Variants in RBFOX1 observed in about 807,000 individuals in gnomAD.
RBFOX1 encodes the protein RNA binding protein fox-1 homolog 1.
A neutral mutation model predicts 57.7 loss-of-function variants in RBFOX1; 8 were observed. The ratio of observed to expected loss-of-function variants is 0.14; its 90% confidence interval spans 0.08 to 0.25. The LOEUF (loss-of-function observed/expected upper bound fraction) is 0.25, where lower values mean the gene tolerates loss of function less well. Among genes scored for constraint, RBFOX1 ranks in the 10% least tolerant of loss-of-function variants. The pLI is 1.00. For missense variants in RBFOX1, 611 were observed against 548.5 expected (o/e 1.11, Z -1.14); for synonymous variants, 326 against 222.4 (o/e 1.47, Z -4.15).
intron 3 of RBFOX1, among the ~76,000 whole-genome samples, chr16:5,694,308 C>T (rs1013713852): frequency 2.0e-5 from 3 of 152,194 alleles, no homozygotes; most frequent in African/African-American, 7.2e-5. Flanking sequence ...TTAATTATCA[C>T]TGTTTTACCT....
At chr16:5,246,101 G>C (rs1231526251) in intron 1 of RBFOX1, among the ~76,000 whole-genome samples, 5 of 152,098 alleles carry the variant, frequency 3.3e-5, no homozygotes, top group Non-Finnish European at 7.3e-5. Context: ...AATTAGCCAG[G>C]TGTGATGGCA....
chr16:6,997,863 A>G (rs1156597921), intron 3 of RBFOX1, among the ~76,000 whole-genome samples: 3 of 152,164 alleles, frequency 2.0e-5, no homozygotes, highest in African/African-American at 7.2e-5. Flanking sequence ...CAGTTATCAG[A>G]ACACCAGTTT....
At chr16:5,520,197 A>C (rs2043959618) in intron 2 of RBFOX1, among the ~76,000 whole-genome samples, 1 of 152,130 alleles carries the variant, frequency 6.6e-6, no homozygotes, top group African/African-American at 2.4e-5. Context: ...GAAGGAGAGA[A>C]GACAGGAAAG....
chr16:7,470,140 G>T (rs866802540), intron 4 of RBFOX1, among the ~76,000 whole-genome samples: 4 of 151,684 alleles, frequency 2.6e-5, no homozygotes, highest in African/African-American at 4.9e-5. Flanking sequence ...TGCAAATAAT[G>T]TTGCTCAGAA....
intron 2 of RBFOX1, among the ~76,000 whole-genome samples, chr16:6,540,994 G>T (rs2096807946): frequency 6.6e-6 from 1 of 152,182 alleles, no homozygotes; most frequent in African/African-American, 2.4e-5. Context: ...TTGCAAAGCA[G>T]CACGAAGAGC....
At chr16:5,285,845 C>A (rs1304936675) in intron 1 of RBFOX1, among the ~76,000 whole-genome samples, 1 of 152,118 alleles carries the variant, frequency 6.6e-6, no homozygotes, top group Non-Finnish European at 1.5e-5. Context: ...AATCTCAGCT[C>A]ACTGTAACCT....
intron 2 of RBFOX1, among the ~76,000 whole-genome samples, chr16:6,363,860 G>A (rs2089079568): frequency 2.6e-5 from 4 of 152,154 alleles, no homozygotes; most frequent in Non-Finnish European, 4.4e-5. Flanking sequence ...CCTAGGAAAT[G>A]AAAGAGATGT....
intron 2 of RBFOX1, among the ~76,000 whole-genome samples, chr16:5,544,473 C>T (rs926293904): frequency 7.9e-5 from 12 of 152,174 alleles, no homozygotes; most frequent in Admixed American, 1.3e-4. Context: ...TCTCCAATTT[C>T]ACTCTAAGAG....
intron 2 of RBFOX1, among the ~76,000 whole-genome samples, chr16:6,339,059 T>C (rs2084163595): frequency 6.6e-6 from 1 of 152,162 alleles, no homozygotes; most frequent in Non-Finnish European, 1.5e-5. Flanking sequence ...GAATGGAATA[T>C]GGCAAGAAAT....
intron 4 of RBFOX1, among the ~76,000 whole-genome samples, chr16:7,243,838 C>T (rs892645684): frequency 4.6e-5 from 7 of 152,168 alleles, no homozygotes; most frequent in Admixed American, 4.6e-4. Context: ...GTATGAGCCA[C>T]TGCATCCTAC....
intron 1 of RBFOX1, among the ~76,000 whole-genome samples, chr16:6,232,566 T>C: frequency 6.6e-6 from 1 of 152,228 alleles, no homozygotes; most frequent in Non-Finnish European, 1.5e-5. Context: ...AGCATCTCTA[T>C]CTTGCCTTGG....
intron 4 of RBFOX1, among the ~76,000 whole-genome samples, chr16:7,403,909 TC>T (rs1458088075): frequency 1.1e-4 from 16 of 149,268 alleles, no homozygotes; most frequent in Non-Finnish European, 2.4e-4. Context: ...TAAATATTAT[TC>T]TTTTATATAT....
intron 5 of RBFOX1, among the ~76,000 whole-genome samples, chr16:7,564,540 CAAAAAAAAAAAAAAAAAAA>C (rs5815409): frequency 1.2e-5 from 1 of 82,518 alleles, no homozygotes; most frequent in Non-Finnish European, 1.9e-5. Context: ...GACTCCATCT[CAAAAAAAAAAAAAAAAAAA>C]AAAAAAAAAG....
intron 14 of RBFOX1, among the ~76,000 whole-genome samples, chr16:7,692,920 T>A (rs918910443): frequency 2.0e-5 from 3 of 152,112 alleles, no homozygotes; most frequent in African/African-American, 7.2e-5. Flanking sequence ...TCTAGAATTT[T>A]ATAATTTTTC....
In RBFOX1 at chr16:6,682,692, G is replaced by A. The variant is rs374778146; in HGVS notation, c.-16+28042G>A. 3.3e-5 allele frequency among the ~76,000 whole-genome samples: 5 copies of A among 151,872 alleles called. No homozygotes were observed. In the East Asian group the frequency reaches 5.8e-4, roughly 18 times the overall value. On this transcript the variant is annotated intron_variant, in intron 3 of 15. Transcript: ENST00000550418. Reference sequence around the variant, plus strand: ...CTCTAGATGCCGCCATGTGTCCCCCGGCGCGCAAAATTGCCCCCTGTTTGA... The same window carrying A: ...CTCTAGATGCCGCCATGTGTCCCCCAGCGCGCAAAATTGCCCCCTGTTTGA...
At chr16:5,918,188 C>T (rs377335938) in intron 4 of RBFOX1, among the ~76,000 whole-genome samples, 1 of 152,164 alleles carries the variant, frequency 6.6e-6, no homozygotes, top group African/African-American at 2.4e-5. Flanking sequence ...GGCACAATCT[C>T]AGGTCACTGC....
intron 1 of RBFOX1, among the ~76,000 whole-genome samples, chr16:5,280,329 C>T (rs1320487846): frequency 1.3e-5 from 2 of 152,224 alleles, no homozygotes; most frequent in Non-Finnish European, 2.9e-5. Context: ...TCATTAGATT[C>T]GGTTTAGTAG....
At position 7,470,963 on chromosome 16, in the gene RBFOX1, A is replaced by G. The variant is rs372575763; in HGVS notation, c.28-47184A>G. Among the ~76,000 whole-genome samples the G allele has an allele frequency of 5.9e-5, 9 of 152,202 alleles. No homozygotes were observed. The East Asian group carries it at 9.7e-4, about 16-fold the overall frequency. The stretch of plus-strand genomic sequence containing the variant: ...ATTTAGTGTTTCAGTAAATTAAATC[A>G]ATGACAGTCTTTTCCATGATCCTAC... On this transcript the variant is annotated intron_variant, in intron 4 of 15. Coordinates refer to ENST00000550418, the MANE Select transcript of RBFOX1 (RefSeq NM_018723.4).
chr16:7,021,578 A>G (rs1241870891), intron 3 of RBFOX1, among the ~76,000 whole-genome samples: 1 of 145,834 alleles, frequency 6.9e-6, no homozygotes. Context: ...ATTTTATAAA[A>G]TATATAAAAG....
Sources: allele counts gnomAD v4.1 joint callset (sites outside exome capture counted in the v4.1 genomes callset), GRCh38; gene constraint gnomAD v4.1.1; transcripts MANE v1.5; gene names NCBI Gene and HGNC (gene_info 2026-07-23, HGNC 2026-07-21).